The following ETHE1 variants were observed in gnomAD, a reference collection of about 807,000 sequenced individuals.
The protein encoded by ETHE1 is ETHE1 persulfide dioxygenase, also known as persulfide dioxygenase ETHE1, mitochondrial.
In ETHE1, 16 loss-of-function variants were observed where a neutral mutation model predicts 25.7. The observed-to-expected ratio is 0.62, with a 90% confidence interval of 0.42 to 0.95. The LOEUF is 0.95. Ranked by LOEUF, ETHE1 falls within the 40% of genes least tolerant of loss-of-function variation. The pLI is 0.00. For missense variants in ETHE1, 300 were observed against 333.6 expected, an observed-to-expected ratio of 0.90 and a Z score of 0.79; for synonymous variants, 139 against 135.9, an observed-to-expected ratio of 1.02 and a Z score of -0.16.
intron 3 of ETHE1, among the ~76,000 whole-genome samples, chr19:43,517,775 CAA>C (rs71336873): frequency 1.7e-4 from 19 of 109,994 alleles, no homozygotes; most frequent in Admixed American, 2.0e-4. Flanking sequence ...GACTCCGCCT[CAA>C]AAAAAAAAAA....
chr19:43,522,916 G>A (rs1972164186), intron 3 of ETHE1, among the ~76,000 whole-genome samples: 1 of 152,114 alleles, frequency 6.6e-6, no homozygotes, highest in Non-Finnish European at 1.5e-5. Context: ...TGTAAAAACT[G>A]AAAATATTTA....
At chr19:43,513,723 A>ATTT (rs35743582) in intron 3 of ETHE1, among the ~76,000 whole-genome samples, 3 of 138,992 alleles carry the variant, frequency 2.2e-5, no homozygotes, top group African/African-American at 5.3e-5. Flanking sequence ...TTTGTTGTTG[A>ATTT]TTTTTTTTTT....
chr19:43,508,833 A>T lies in ETHE1; in HGVS notation c.537T>A (p.His179Gln). The T allele has an allele frequency of 6.2e-7, 1 of 1,608,658 alleles. No homozygotes were observed. The highest frequency in any genetic ancestry group is 1.7e-5 in the Admixed American group (1 of 59,082). The change falls in exon 5 of 7, where the codon CAT becomes CAA. Residue 179 changes from histidine to glutamine, a missense_variant. Transcript: ENST00000292147. Reference protein sequence around the residue: ...GCAKTLYHSVHEKIFTLPGDC... With the variant: ...GCAKTLYHSVQEKIFTLPGDC... ...CTCCTGGAAGTGTGAAGATCTTTTC[A>T]TGGACCGAGTGGTACAAGGTCTTGG...
chr19:43,514,888 G>A (rs1203233701), intron 3 of ETHE1, among the ~76,000 whole-genome samples: 7 of 152,144 alleles, frequency 4.6e-5, no homozygotes, highest in Non-Finnish European at 2.9e-5. Context: ...TCAGTCAGAA[G>A]GTTCTGAATG....
At chr19:43,509,335 A>C (rs1482822595) in intron 4 of ETHE1, among the ~76,000 whole-genome samples, 1 of 151,938 alleles carries the variant, frequency 6.6e-6, no homozygotes, top group Admixed American at 6.6e-5. Context: ...TGTCTCTACT[A>C]AAAATACAAA....
chr19:43,527,091 C>T lies in ETHE1; in HGVS notation c.81+6G>A. 1 of 1,551,642 alleles carries T rather than the reference C, an allele frequency of 6.4e-7. No individual in the cohort carries two copies. Among genetic ancestry groups the T allele is most frequent in the Non-Finnish European group, 8.7e-7 (1 of 1,151,358 alleles). On this transcript the variant is annotated splice_donor_region_variant and intron_variant, in intron 1 of 6. Transcript: ENST00000292147. ...GCAGTCCCCTCCTAGGTCCAGCCAC[C>T]CGCACCTGCCGCAGGAGGATGGGGG... is the stretch of plus-strand genomic sequence containing the variant.
Sources: gnomAD v4.1 joint callset for allele counts (sites outside exome capture counted in the v4.1 genomes callset) on GRCh38, gnomAD v4.1.1 for gene constraint, MANE v1.5 for transcripts, NCBI Gene and HGNC (gene_info 2026-07-23, HGNC 2026-07-21) for gene names.